The following MPRIP variants were observed in gnomAD, a reference collection of about 807,000 sequenced individuals.
The protein encoded by MPRIP is myosin phosphatase Rho interacting protein.
MPRIP carries 59 observed loss-of-function variants against 234.9 expected under a neutral mutation model. The observed-to-expected ratio is 0.25, with a 90% confidence interval of 0.20 to 0.31. The LOEUF is 0.31. Among genes scored for constraint, MPRIP ranks in the 10% least tolerant of loss-of-function variants. The pLI is 1.00. For missense variants in MPRIP, 2,436 were observed against 3,071.0 expected (o/e 0.79, Z 4.89); for synonymous variants, 1,144 against 1,263.9 (o/e 0.91, Z 2.01).
intron 3 of MPRIP, among the ~76,000 whole-genome samples, chr17:17,091,105 G>A (rs963186731): frequency 1.3e-5 from 2 of 149,246 alleles, no homozygotes; most frequent in African/African-American, 5.0e-5. Flanking sequence ...TGGGGAGGGG[G>A]TGGGGTTTGA....
intron 16 of MPRIP, chr17:17,168,339 C>A (rs1428163416): frequency 8.2e-6 from 2 of 242,660 alleles, no homozygotes; most frequent in Non-Finnish European, 1.6e-5. Flanking sequence ...CTTGTACTCA[C>A]AGCAACACCC....
At chr17:17,048,210 C>G (rs182631821) in intron 1 of MPRIP, among the ~76,000 whole-genome samples, 2 of 152,092 alleles carry the variant, frequency 1.3e-5, no homozygotes, top group Admixed American at 6.5e-5. Flanking sequence ...TGGAAATGAG[C>G]TCGGTCTTGA....
intron 22 of MPRIP, 56 bp downstream of exon 22, chr17:17,177,468 GT>G: frequency 6.4e-7 from 1 of 1,570,662 alleles, no homozygotes; most frequent in Non-Finnish European, 8.7e-7. Flanking sequence ...TGGGGGTTTG[GT>G]CGTAGAGGTT....
In MPRIP at chr17:17,184,862, C is replaced by G; in HGVS notation, c.7246C>G (p.Leu2416Val). 6.2e-7 allele frequency: 1 copy of G among 1,613,048 alleles called. No individual in the cohort carries two copies. The highest frequency in any genetic ancestry group is 2.2e-5 in the East Asian group (1 of 44,850). Residue 2416 changes from leucine (L) to valine (V), a missense_variant, in exon 24 of 24, where the codon CTC (leucine) becomes GTC (valine). Leu to Val is a conservative substitution (Grantham distance 32). This residue lies in a region of MPRIP where 1,998 missense variants were observed against 2,520.3 expected (regional missense o/e 0.79). Transcript: ENST00000651222. Reference protein sequence around the residue: ...EGLTVQERLKLFESRDLKKD With the variant: ...EGLTVQERLKVFESRDLKKD ...CCTGACGGTGCAAGAACGGTTGAAGCTCTTTGAATCCAGGGACTTGAAGAA... is the reference window on the plus strand; with the variant it reads ...CCTGACGGTGCAAGAACGGTTGAAGGTCTTTGAATCCAGGGACTTGAAGAA...
intron 1 of MPRIP, among the ~76,000 whole-genome samples, chr17:17,072,656 G>A (rs558286253): frequency 6.6e-6 from 1 of 152,292 alleles, no homozygotes; most frequent in African/African-American, 2.4e-5. Context: ...GTTTTGGGGA[G>A]CTGAGGAGGC....
chr17:17,127,499 C>T (rs931333460), intron 4 of MPRIP, among the ~76,000 whole-genome samples: 1 of 152,256 alleles, frequency 6.6e-6, no homozygotes. Flanking sequence ...AGGGCAGCAT[C>T]TGCCTTCCCA....
chr17:17,054,160 C>G (rs185327976), intron 1 of MPRIP, among the ~76,000 whole-genome samples: 1 of 152,176 alleles, frequency 6.6e-6, no homozygotes, highest in East Asian at 1.9e-4. Context: ...CAAGTAAGAT[C>G]ATTATCTATA....
In MPRIP at chr17:17,189,044, C is replaced by T. The variant is rs1290528892; in HGVS notation, c.*4150C>T. 1.3e-5 allele frequency: 2 copies of T among 151,054 alleles called. No individual in the cohort carries two copies. Among genetic ancestry groups the T allele is most frequent in the Non-Finnish European group, 3.0e-5 (2 of 67,690 alleles). The allele number at this position is 151,054 out of a possible 1,614,324, so 9.4% of individuals were successfully genotyped here. ...GACTTGGGTAAGTTCTAAGACAGTT[C>T]GCACTTAGAAAAGAATGTGACACAT... On this transcript the variant is annotated 3_prime_UTR_variant, in exon 24 of 24. Transcript: ENST00000651222.
At chr17:17,048,459 C>T (rs780311055) in intron 1 of MPRIP, among the ~76,000 whole-genome samples, 1 of 152,082 alleles carries the variant, frequency 6.6e-6, no homozygotes, top group Non-Finnish European at 1.5e-5. Flanking sequence ...TCAGAAACAA[C>T]GGGGAGATTT....
chr17:17,179,942 G>T, intron 22 of MPRIP, 61 bp from the exon 23 acceptor site: 1 of 1,363,660 alleles, frequency 7.3e-7, no homozygotes, highest in Non-Finnish European at 1.0e-6. Context: ...ATTTAGTCTG[G>T]TTCCAGAGGG....
intron 5 of MPRIP, among the ~76,000 whole-genome samples, chr17:17,134,787 C>T (rs554838644): frequency 1.1e-3 from 171 of 152,358 alleles, no homozygotes; most frequent in African/African-American, 3.8e-3. Flanking sequence ...CCTGCTGCCT[C>T]TTCTGTCAGC....
intron 3 of MPRIP, among the ~76,000 whole-genome samples, chr17:17,084,340 T>C (rs966790910): frequency 2.6e-5 from 4 of 152,202 alleles, no homozygotes; most frequent in Non-Finnish European, 5.9e-5. Context: ...AGAAGTCTTC[T>C]GGGAGGAGAC....
intron 1 of MPRIP, among the ~76,000 whole-genome samples, chr17:17,061,196 G>A (rs2088857514): frequency 6.6e-6 from 1 of 152,198 alleles, no homozygotes; most frequent in Non-Finnish European, 1.5e-5. Flanking sequence ...TCTTGGCAGG[G>A]GTGAGGCTTG....
In MPRIP at chr17:17,161,481, C is replaced by G. The variant is rs983152692; in HGVS notation, c.2517+125C>G. 4.3e-5 allele frequency: 24 copies of G among 558,794 alleles called. No homozygotes were observed. In the South Asian group the frequency reaches 7.0e-4, roughly 16 times the overall value. The allele number at this position is 558,794 out of a possible 1,614,324, so 34.6% of individuals were successfully genotyped here. ...CAGGGGTGTCTCCCAGGAGCTCATG[C>G]CCCTGGGCTTTTCTGCCACAGGACT... On this transcript the variant is annotated intron_variant, in intron 15 of 23. Transcript: ENST00000651222.
chr17:17,067,731 A>C (rs1379930854), intron 1 of MPRIP, among the ~76,000 whole-genome samples: 1 of 150,504 alleles, frequency 6.6e-6, no homozygotes, highest in African/African-American at 2.4e-5. Flanking sequence ...TTTTGGTGTC[A>C]GGGTAACACC....
chr17:17,131,246 C>T (rs2090590323), intron 4 of MPRIP, among the ~76,000 whole-genome samples: 2 of 152,244 alleles, frequency 1.3e-5, no homozygotes, highest in South Asian at 4.1e-4. Flanking sequence ...AGGGCCAGCA[C>T]CTGCCTCTGT....
chr17:17,065,797 T>C (rs142634435), intron 1 of MPRIP, among the ~76,000 whole-genome samples: 29 of 152,362 alleles, frequency 1.9e-4, no homozygotes, highest in African/African-American at 5.8e-4. Flanking sequence ...GAACACATTA[T>C]GTCTCTCTTA....
intron 1 of MPRIP, among the ~76,000 whole-genome samples, chr17:17,047,117 G>T (rs1380552808): frequency 6.6e-6 from 1 of 152,166 alleles, no homozygotes; most frequent in Non-Finnish European, 1.5e-5. Flanking sequence ...GGAGGCAGAG[G>T]TTGCATTGAG....
rs1382931085 is a variant in MPRIP, at chr17:17,150,146, A to G, written c.1632A>G (p.Ala544=). 9 of 1,613,158 alleles carry G rather than the reference A, an allele frequency of 5.6e-6. No homozygotes were observed. The highest frequency in any genetic ancestry group is 7.6e-6 in the Non-Finnish European group (9 of 1,179,366). Residue 544 remains alanine (A), a splice_region_variant and synonymous_variant, in exon 12 of 24, where the codon GCA becomes GCG. Coordinates refer to ENST00000651222, the MANE Select transcript of MPRIP (RefSeq NM_001364716.4). The stretch of plus-strand genomic sequence containing the variant: ...GACATTCTCACTTCCCTCGGCAGGC[A>G]GCCGACTTGGATGGAGAAATTGACT... ...RYYRDSVAEE[A]ADLDGEIDLS...
Sources: gnomAD v4.1 joint callset for allele counts (sites outside exome capture counted in the v4.1 genomes callset) on GRCh38, gnomAD v4.1.1 for gene constraint, gnomAD v4.1.1 regional missense constraint, MANE v1.5 for transcripts, NCBI Gene and HGNC (gene_info 2026-07-23, HGNC 2026-07-21) for gene names.